Variants in DOK6 observed in about 807,000 individuals in gnomAD.
The protein encoded by DOK6 is downstream of tyrosine kinase 6.
Under a neutral mutation model 44.0 loss-of-function variants are expected in DOK6, and 22 were observed. That is an observed-to-expected ratio of 0.50 (90% CI 0.36 to 0.71). DOK6 has a LOEUF of 0.71. Among genes scored for constraint, DOK6 ranks in the 30% least tolerant of loss-of-function variants. The probability of loss-of-function intolerance (pLI) is 0.00; values close to 1 mark genes in which losing one functional copy is unlikely to be tolerated. For synonymous variants in DOK6, 166 were observed against 145.5 expected (o/e 1.14, Z -1.01); for missense variants, 340 against 416.4 (o/e 0.82, Z 1.60).
intron 1 of DOK6, among the ~76,000 whole-genome samples, chr18:69,560,094 T>C (rs9957982): frequency 0.73 from 110,559 of 151,942 alleles, 40,859 homozygotes; most frequent in East Asian, 1. Flanking sequence ...GTGGATTACT[T>C]TTCAAATTCA....
At position 69,844,120 on chromosome 18, in the gene DOK6, C is replaced by G. The variant is rs142236329; in HGVS notation, c.*2737C>G. The G allele has an allele frequency of 2.0e-5, 3 of 152,110 alleles. No homozygotes were observed. Among genetic ancestry groups the G allele is most frequent in the Admixed American group, 2.0e-4 (3 of 15,266 alleles). The allele number at this position is 152,110 out of a possible 1,614,324, so 9.4% of individuals were successfully genotyped here. A position where few individuals can be genotyped will look rare whatever the true frequency, so the allele number is the denominator to read the frequency against. ...GAGATGTATACCACTCGCTTGGGCT[C>G]GTAGGTTTTTGACTGGGGATGCCTC... On this transcript the variant is annotated 3_prime_UTR_variant, in exon 8 of 8. Coordinates refer to ENST00000382713, the MANE Select transcript of DOK6 (RefSeq NM_152721.6).
chr18:69,730,798 C>A (rs1007614586), intron 5 of DOK6, among the ~76,000 whole-genome samples: 5 of 151,908 alleles, frequency 3.3e-5, no homozygotes, highest in African/African-American at 9.7e-5. Flanking sequence ...ATTTCTGTTT[C>A]AAAATGAATT....
intron 3 of DOK6, among the ~76,000 whole-genome samples, chr18:69,603,311 AC>A (rs376746152): frequency 1.7e-3 from 253 of 152,246 alleles, no homozygotes; most frequent in Middle Eastern, 3.4e-3. Context: ...TAGCGCAAAA[AC>A]CTACCCTTGT....
Position 69,677,790 on chromosome 18 carries a change from C to T in DOK6, c.346C>T (p.Leu116Phe), listed in dbSNP as rs780410840. 3 of 1,613,704 alleles carry T rather than the reference C, an allele frequency of 1.9e-6. No homozygotes were observed. Among genetic ancestry groups the T allele is most frequent in the Non-Finnish European group, 1.7e-6 (2 of 1,179,820 alleles). Residue 116 changes from leucine to phenylalanine, a missense_variant, in exon 4 of 8, where the codon CTC (leucine) becomes TTC (phenylalanine). By Grantham distance (22) the Leu-to-Phe change is conservative. This residue lies in a region of DOK6 where 206 missense variants were observed against 258.6 expected (regional missense o/e 0.80). Transcript: ENST00000382713. ...CTGCATGGAGTGTCTGGGGACCAGG[C>T]TCAATGATATCAGCCTTGGGGAGCC... is the stretch of plus-strand genomic sequence containing the variant. ...HLCMECLGTR[L>F]NDISLGEPDL...
At chr18:69,609,625 A>T (rs754939116) in intron 3 of DOK6, among the ~76,000 whole-genome samples, 2 of 152,132 alleles carry the variant, frequency 1.3e-5, no homozygotes, top group Non-Finnish European at 2.9e-5. Context: ...AAGTTCCTCA[A>T]AACATTAAAA....
At chr18:69,469,650 C>T in intron 1 of DOK6, 1 of 228,702 alleles carries the variant, frequency 4.4e-6, no homozygotes, top group Non-Finnish European at 9.1e-6. Context: ...TGCCGGCTGC[C>T]TCACCAGAGC....
chr18:69,794,950 G>A (rs1980702804), intron 7 of DOK6, among the ~76,000 whole-genome samples: 2 of 152,110 alleles, frequency 1.3e-5, no homozygotes, highest in Non-Finnish European at 2.9e-5. Context: ...AGGAAAACAA[G>A]CTTAGGGCTC....
intron 1 of DOK6, among the ~76,000 whole-genome samples, chr18:69,536,158 ACT>A (rs1396672989): frequency 1.4e-4 from 21 of 152,274 alleles, no homozygotes; most frequent in African/African-American, 5.1e-4. Context: ...ATAAGAAAGG[ACT>A]CAAAGGATCA....
chr18:69,748,397 C>T (rs185282352), intron 6 of DOK6, among the ~76,000 whole-genome samples: 22 of 151,630 alleles, frequency 1.5e-4, no homozygotes, highest in Admixed American at 8.6e-4. Flanking sequence ...ACCTGATAAA[C>T]CCACCCCCAA....
At chr18:69,828,882 G>GTATATATATATATATATATATATATATA (rs1475499795) in intron 7 of DOK6, among the ~76,000 whole-genome samples, 784 of 24,906 alleles carry the variant, frequency 0.031, 34 homozygotes, top group Non-Finnish European at 0.1. Context: ...ATACATTTAT[G>GTATATATATATATATATATATATATATA]TGTATATATA....
At chr18:69,775,086 CA>C (rs1417149340) in intron 7 of DOK6, among the ~76,000 whole-genome samples, 1 of 151,274 alleles carries the variant, frequency 6.6e-6, no homozygotes, top group Non-Finnish European at 1.5e-5. Flanking sequence ...ATTTTATAAC[CA>C]TTCAAGAAAT....
At chr18:69,707,901 C>T (rs1025712302) in intron 5 of DOK6, among the ~76,000 whole-genome samples, 3 of 152,104 alleles carry the variant, frequency 2.0e-5, no homozygotes, top group Non-Finnish European at 2.9e-5. Flanking sequence ...CACGGCGAAT[C>T]ATAAAATATG....
intron 3 of DOK6, among the ~76,000 whole-genome samples, chr18:69,619,044 C>CACTT (rs751785349): frequency 6.6e-6 from 1 of 152,008 alleles, no homozygotes; most frequent in Non-Finnish European, 1.5e-5. Flanking sequence ...TGCATAGTTC[C>CACTT]ACTTACAAGA....
At chr18:69,434,930 GGGA>G (rs1228974767) in intron 1 of DOK6, among the ~76,000 whole-genome samples, 8 of 33,984 alleles carry the variant, frequency 2.4e-4, no homozygotes, top group African/African-American at 7.0e-4. Context: ...AAAGAAAAAA[GGGA>G]GGGAGGGAGG....
At chr18:69,558,565 A>G (rs903143292) in intron 1 of DOK6, among the ~76,000 whole-genome samples, 5 of 152,168 alleles carry the variant, frequency 3.3e-5, no homozygotes, top group African/African-American at 1.2e-4. Flanking sequence ...CATATTTCCT[A>G]ATAAATTATA....
chr18:69,607,291 A>G (rs1984025240), intron 3 of DOK6, among the ~76,000 whole-genome samples: 2 of 152,090 alleles, frequency 1.3e-5, no homozygotes, highest in Non-Finnish European at 2.9e-5. Flanking sequence ...AAGAAGGAAT[A>G]TGATCTAATT....
At chr18:69,774,734 A>C (rs1468801101) in intron 7 of DOK6, among the ~76,000 whole-genome samples, 1 of 151,964 alleles carries the variant, frequency 6.6e-6, no homozygotes, top group African/African-American at 2.4e-5. Flanking sequence ...ATAGAGTATG[A>C]ATATTGAACA....
intron 4 of DOK6, among the ~76,000 whole-genome samples, chr18:69,684,267 A>G (rs1013988521): frequency 1.6e-4 from 25 of 152,250 alleles, no homozygotes; most frequent in Non-Finnish European, 1.6e-4. Context: ...ATTTCTCCCT[A>G]TACTTTGCCA....
intron 5 of DOK6, among the ~76,000 whole-genome samples, chr18:69,715,601 C>A (rs7238446): frequency 0.088 from 13,337 of 152,200 alleles, 664 homozygotes; most frequent in Admixed American, 0.14. Context: ...GTGGGAAGCA[C>A]AACTTTTGAC....
Sources: allele counts gnomAD v4.1 joint callset (sites outside exome capture counted in the v4.1 genomes callset), GRCh38; gene constraint gnomAD v4.1.1; regional missense constraint gnomAD v4.1.1; transcripts MANE v1.5; gene names NCBI Gene and HGNC (gene_info 2026-07-23, HGNC 2026-07-21).